The following CTNNBL1 variants were observed in gnomAD, a reference collection of about 807,000 sequenced individuals.
CTNNBL1 encodes the protein catenin beta like 1.
CTNNBL1 carries 31 observed loss-of-function variants against 72.7 expected under a neutral mutation model. The observed-to-expected ratio is 0.43, with a 90% confidence interval of 0.32 to 0.58. CTNNBL1 has a LOEUF of 0.58. Among genes scored for constraint, CTNNBL1 ranks in the 20% least tolerant of loss-of-function variants. The pLI, the probability that CTNNBL1 is intolerant of heterozygous loss-of-function variation, is 0.08. For missense variants in CTNNBL1, 534 were observed against 725.1 expected (o/e 0.74, Z 3.03); for synonymous variants, 240 against 267.3 (o/e 0.90, Z 1.00).
chr20:37,753,380 C>A (rs931580965), intron 4 of CTNNBL1, among the ~76,000 whole-genome samples: 1 of 152,164 alleles, frequency 6.6e-6, no homozygotes, highest in African/African-American at 2.4e-5. Context: ...TCTATAAAAT[C>A]ACTTTTGTCT....
chr20:37,729,589 C>T (rs1395786427), intron 1 of CTNNBL1, among the ~76,000 whole-genome samples: 15 of 152,042 alleles, frequency 9.9e-5, no homozygotes, highest in Non-Finnish European at 4.4e-5. Context: ...ATCTAGAAAT[C>T]TCCTTTCCGT....
rs751169917 is a variant in CTNNBL1 at position 37,734,804 on chromosome 20, C to A, written c.219+1737C>A. On this transcript the variant is annotated intron_variant, in intron 2 of 15. Transcript: ENST00000361383. Reference sequence around the variant, plus strand: ...TTCTGACGTTGAGCTATTGGAGATACTGCTGTGGCTGATGACTAAGACTGA... The same window carrying A: ...TTCTGACGTTGAGCTATTGGAGATAATGCTGTGGCTGATGACTAAGACTGA... 2.6e-4 allele frequency among the ~76,000 whole-genome samples: 40 copies of A among 152,326 alleles called. No homozygotes were observed. The Middle Eastern group carries it at 0.014, about 52-fold the overall frequency.
In CTNNBL1 at chr20:37,717,610, C is replaced by CTT. The variant is rs199726420; in HGVS notation, c.31-15266_31-15265dup. 2.1e-3 allele frequency among the ~76,000 whole-genome samples: 309 copies of CTT among 146,206 alleles called. 2 individuals are homozygous for CTT. Among genetic ancestry groups the CTT allele is most frequent in the African/African-American group, 7.4e-3 (290 of 38,998 alleles). Reference sequence around the variant, plus strand: ...GATATGAGGCAGGAATTTCTTTTTTCTTTTCTTTTTTTTTTTATTGATCAT... The same window carrying CTT: ...GATATGAGGCAGGAATTTCTTTTTTCTTTTTTCTTTTTTTTTTTATTGATCAT... On this transcript the variant is annotated intron_variant, in intron 1 of 15. Coordinates refer to ENST00000361383, the MANE Select transcript of CTNNBL1 (RefSeq NM_030877.5).
intron 1 of CTNNBL1, among the ~76,000 whole-genome samples, chr20:37,716,021 T>C (rs1303274022): frequency 1.3e-5 from 2 of 152,084 alleles, no homozygotes; most frequent in Non-Finnish European, 2.9e-5. Context: ...AGGCAACCAG[T>C]TCTTAAGTAT....
At chr20:37,777,759 C>T in intron 9 of CTNNBL1, 47 bp downstream of exon 9, 1 of 1,571,470 alleles carries the variant, frequency 6.4e-7, no homozygotes, top group East Asian at 2.2e-5. Flanking sequence ...ACATGGTCTG[C>T]TTTGAATGGG....
rs777782920 is a variant in CTNNBL1, at chr20:37,871,917, C to A, written c.1604-8C>A. On this transcript the variant is annotated splice_region_variant and splice_polypyrimidine_tract_variant and intron_variant, in intron 15 of 15. Transcript: ENST00000361383. The stretch of plus-strand genomic sequence containing the variant: ...GATCCACTCCTGACTCTATCTTTGT[C>A]CCCCTAGAGTATGCAGAGAACATCG... 2.5e-6 allele frequency: 4 copies of A among 1,611,936 alleles called. No individual in the cohort carries two copies. The highest frequency in any genetic ancestry group is 3.4e-6 in the Non-Finnish European group (4 of 1,178,098).
chr20:37,747,405 GAC>G (rs1159357240), intron 4 of CTNNBL1, among the ~76,000 whole-genome samples: 3 of 110,850 alleles, frequency 2.7e-5, no homozygotes, highest in Admixed American at 9.3e-5. Flanking sequence ...AAAAAAAAAA[GAC>G]TGAGTACACA....
intron 2 of CTNNBL1, among the ~76,000 whole-genome samples, chr20:37,735,956 ATTAAT>A (rs1421099725): frequency 2.6e-5 from 4 of 152,274 alleles, no homozygotes; most frequent in African/African-American, 7.2e-5. Context: ...ATTGCAGCAC[ATTAAT>A]TTAAACTGGA....
At chr20:37,737,339 CTGT>C in intron 2 of CTNNBL1, 36 bp from the exon 3 acceptor site, 1 of 1,418,944 alleles carries the variant, frequency 7.0e-7, no homozygotes, top group Non-Finnish European at 9.9e-7. Context: ...TGTGAAACCC[CTGT>C]GGACTGAAGT....
intron 4 of CTNNBL1, among the ~76,000 whole-genome samples, chr20:37,754,282 CTTTTTTT>C (rs369597087): frequency 3.2e-4 from 36 of 111,834 alleles, no homozygotes; most frequent in Admixed American, 2.9e-3. Context: ...TATTTATTTG[CTTTTTTT>C]TTTTTTTTTT....
At chr20:37,760,974 T>C (rs1211787754) in intron 5 of CTNNBL1, among the ~76,000 whole-genome samples, 1 of 145,712 alleles carries the variant, frequency 6.9e-6, no homozygotes, top group African/African-American at 2.5e-5. Context: ...AATGAGAGGA[T>C]AGAGCTTTAG....
At chr20:37,844,912 C>T (rs1356300108) in intron 13 of CTNNBL1, among the ~76,000 whole-genome samples, 1 of 152,182 alleles carries the variant, frequency 6.6e-6, no homozygotes, top group Non-Finnish European at 1.5e-5. Context: ...TGTGCCACTG[C>T]ACTCCAGCCT....
At chr20:37,858,066 A>C (rs955169621) in intron 13 of CTNNBL1, among the ~76,000 whole-genome samples, 3 of 152,230 alleles carry the variant, frequency 2.0e-5, no homozygotes, top group Non-Finnish European at 4.4e-5. Context: ...GTGTGGTGGC[A>C]TGCACCTGTA....
intron 10 of CTNNBL1, among the ~76,000 whole-genome samples, chr20:37,798,078 A>G (rs1316524955): frequency 3.9e-5 from 6 of 152,046 alleles, no homozygotes. Context: ...CAGTCTGCCC[A>G]TTCTCTGCAT....
intron 4 of CTNNBL1, among the ~76,000 whole-genome samples, chr20:37,754,663 A>C (rs1048640221): frequency 1.3e-5 from 2 of 152,190 alleles, no homozygotes; most frequent in Non-Finnish European, 2.9e-5. Context: ...AACAGGGTCA[A>C]TAGCTAGAAT....
At chr20:37,728,791 G>A (rs781680349) in intron 1 of CTNNBL1, among the ~76,000 whole-genome samples, 6 of 152,166 alleles carry the variant, frequency 3.9e-5, no homozygotes, top group Non-Finnish European at 8.8e-5. Flanking sequence ...TAATGGGTTC[G>A]GCTCTGCCAT....
intron 3 of CTNNBL1, among the ~76,000 whole-genome samples, chr20:37,745,332 C>T (rs1331901060): frequency 6.6e-6 from 1 of 151,978 alleles, no homozygotes; most frequent in African/African-American, 2.4e-5. Context: ...TTCTTTGTGC[C>T]CTCAATTTAA....
intron 10 of CTNNBL1, among the ~76,000 whole-genome samples, chr20:37,800,659 T>G (rs2073816605): frequency 6.6e-6 from 1 of 152,362 alleles, no homozygotes; most frequent in African/African-American, 2.4e-5. Context: ...ACATGTAATT[T>G]GTCTCTCTCA....
chr20:37,721,364 C>T (rs1384990714), intron 1 of CTNNBL1, among the ~76,000 whole-genome samples: 5 of 152,154 alleles, frequency 3.3e-5, no homozygotes, highest in African/African-American at 1.2e-4. Context: ...ATCCTGTTGA[C>T]TCATTGAATA....
Sources: gnomAD v4.1 joint callset for allele counts (sites outside exome capture counted in the v4.1 genomes callset) on GRCh38, gnomAD v4.1.1 for gene constraint, MANE v1.5 for transcripts, NCBI Gene and HGNC (gene_info 2026-07-23, HGNC 2026-07-21) for gene names.